OTUD4: variants seen among roughly 807,000 people sequenced by gnomAD.
The protein encoded by OTUD4 is OTU deubiquitinase 4.
In OTUD4, 24 loss-of-function variants were observed where a neutral mutation model predicts 130.4. That is an observed-to-expected ratio of 0.18 (90% CI 0.13 to 0.26). The LOEUF is 0.26. Ranked by LOEUF, OTUD4 falls within the 10% of genes least tolerant of loss-of-function variation. The pLI, the probability that OTUD4 is intolerant of heterozygous loss-of-function variation, is 1.00. For synonymous variants in OTUD4, 420 were observed against 472.5 expected (o/e 0.89, Z 1.44); for missense variants, 1,031 against 1,329.4 (o/e 0.78, Z 3.49).
At chr4:145,161,244 A>C (rs867854100) in intron 6 of OTUD4, among the ~76,000 whole-genome samples, 2 of 152,132 alleles carry the variant, frequency 1.3e-5, no homozygotes, top group African/African-American at 4.8e-5. Flanking sequence ...CCCTCGTATC[A>C]CCCAAACCAC....
chr4:145,163,167 A>C (rs1282162068), intron 5 of OTUD4, among the ~76,000 whole-genome samples: 1 of 152,236 alleles, frequency 6.6e-6, no homozygotes, highest in East Asian at 1.9e-4. Flanking sequence ...TTTAGAATAT[A>C]ACAATATATT....
rs766528585 is a variant in OTUD4 at position 145,174,619 on chromosome 4, A to G, written c.243+42T>C. ...ACACTTCTAAAAGCCAAAATGTAAA[A>G]CCAAGTCAAGACACCATTACATGTT... On this transcript the variant is annotated intron_variant, in intron 2 of 20. Coordinates refer to ENST00000447906, the MANE Select transcript of OTUD4 (RefSeq NM_001366057.1). The G allele has an allele frequency of 5.2e-6, 6 of 1,150,832 alleles. No homozygotes were observed. The Middle Eastern group carries it at 7.7e-4, about 147-fold the overall frequency. The allele number at this position is 1,150,832 out of a possible 1,614,324, so 71.3% of individuals were successfully genotyped here.
intron 13 of OTUD4, among the ~76,000 whole-genome samples, chr4:145,148,782 C>A (rs1013815267): frequency 6.6e-6 from 1 of 152,066 alleles, no homozygotes; most frequent in African/African-American, 2.4e-5. Flanking sequence ...TGCCTATAAC[C>A]TTCCTATAGT....
Position 145,171,670 on chromosome 4 carries a change from C to A in OTUD4, c.294G>T (p.Gln98His). The change falls in exon 3 of 21, where the codon CAG (glutamine) becomes CAT (histidine). Residue 98 changes from glutamine (Q) to histidine (H), a missense_variant and splice_region_variant. Transcript: ENST00000447906. ...EEYLKRLENPQEWVGQVEISA... is the reference protein window; with the variant it reads ...EEYLKRLENPHEWVGQVEISA... The stretch of plus-strand genomic sequence containing the variant: ...AATATACTAGAAGACTGTGACATAC[C>A]TGTGGATTTTCCAAACGCTTTAAAT... 7.8e-7 allele frequency: 1 copy of A among 1,280,072 alleles called. No homozygotes were observed. Among genetic ancestry groups the A allele is most frequent in the Non-Finnish European group, 1.1e-6 (1 of 879,168 alleles). 79.3% of individuals were successfully genotyped at this position (1,280,072 alleles called of 1,614,324 possible).
intron 13 of OTUD4, among the ~76,000 whole-genome samples, chr4:145,146,816 G>A (rs1444843068): frequency 6.6e-6 from 1 of 152,182 alleles, no homozygotes; most frequent in Non-Finnish European, 1.5e-5. Flanking sequence ...CAAAGGGAAA[G>A]TTATTAGTTT....
chr4:145,168,161 A>T (rs1477532083), intron 3 of OTUD4, among the ~76,000 whole-genome samples: 1 of 152,174 alleles, frequency 6.6e-6, no homozygotes, highest in Non-Finnish European at 1.5e-5. Flanking sequence ...AATTAACCAT[A>T]CTATAACAAA....
At chr4:145,140,465 TAAAAC>T (rs1244599212) in intron 19 of OTUD4, among the ~76,000 whole-genome samples, 2 of 152,082 alleles carry the variant, frequency 1.3e-5, no homozygotes, top group African/African-American at 2.4e-5. Context: ...TACTAACTAA[TAAAAC>T]AAAAACATCC....
At chr4:145,150,406 AATG>A in intron 13 of OTUD4, 104 bp downstream of exon 13, 1 of 706,230 alleles carries the variant, frequency 1.4e-6, no homozygotes, top group Non-Finnish European at 2.4e-6. Flanking sequence ...ATATAGGGAC[AATG>A]ATATGAGTAA....
In OTUD4 at chr4:145,138,471, A is replaced by C. The variant is rs112977068; in HGVS notation, c.2304T>G (p.Phe768Leu). The C allele has an allele frequency of 6.2e-7, 1 of 1,614,044 alleles. No homozygotes were observed. The highest frequency in any genetic ancestry group is 1.3e-5 in the African/African-American group (1 of 74,934). The change falls in exon 21 of 21, where the codon TTT (phenylalanine) becomes TTG (leucine). Residue 768 changes from phenylalanine (F) to leucine (L), a missense_variant. By Grantham distance (22) the Phe-to-Leu change is conservative. Transcript: ENST00000447906. ...TAACACTGGCCTCAGTCTGCATAGG[A>C]AAGTGGGCATCAGTACAGGTACAAT... is the stretch of plus-strand genomic sequence containing the variant. ...ESDCTCTDAH[F>L]PMQTEASVNG...
rs368642611 is a variant in OTUD4, at chr4:145,144,338, T to G, written c.1519A>C (p.Met507Leu). ...VGDRKGSRRR[M>L]DTEERKDKDS... ...TTGTCTTTTCGTTCTTCTGTATCCA[T>G]TCTCCGCCTGCTTCCTTTTCTATCA... Residue 507 changes from methionine to leucine, a missense_variant, in exon 15 of 21, where the codon ATG becomes CTG. Physicochemically the swap from Met to Leu is conservative, Grantham distance 15 (BLOSUM62 2). Around this residue, in one of 3 missense-constraint regions of OTUD4, gnomAD observed 900 missense variants for 1,095.9 expected, o/e 0.82. Transcript: ENST00000447906. 19 of 1,612,656 alleles carry G rather than the reference T, an allele frequency of 1.2e-5. No homozygotes were observed. Among genetic ancestry groups the G allele is most frequent in the Non-Finnish European group, 1.6e-5 (19 of 1,179,368 alleles).
chr4:145,153,243 AT>A (rs1751147195), intron 10 of OTUD4, among the ~76,000 whole-genome samples: 1 of 152,196 alleles, frequency 6.6e-6, no homozygotes, highest in Non-Finnish European at 1.5e-5. Flanking sequence ...GGAGCACAAT[AT>A]GTTAAGGCTC....
At chr4:145,164,301 T>C (rs917810065) in intron 4 of OTUD4, 75 bp from the exon 5 acceptor site, 2 of 712,668 alleles carry the variant, frequency 2.8e-6, no homozygotes, top group African/African-American at 3.6e-5. Flanking sequence ...CATTCATTCA[T>C]CAAGGGCCTA....
chr4:145,137,962 T>C lies in OTUD4; in HGVS notation c.2813A>G (p.Glu938Gly), dbSNP rs772454283. 3 of 1,614,068 alleles carry C rather than the reference T, an allele frequency of 1.9e-6. No homozygotes were observed. The highest frequency in any genetic ancestry group is 4.5e-5 in the East Asian group (2 of 44,856). ...VSSKPDEGRTEQSSQTRKADT... is the reference protein window; with the variant it reads ...VSSKPDEGRTGQSSQTRKADT... ...TGCCTTTCGTGTCTGGGAAGATTGC[T>C]CTGTCCGGCCTTCGTCCGGCTTACT... The change falls in exon 21 of 21, where the codon GAG (glutamate) becomes GGG (glycine). Residue 938 changes from glutamate (E) to glycine (G), a missense_variant. By Grantham distance (98) the Glu-to-Gly change is moderately conservative. Coordinates refer to ENST00000447906, the MANE Select transcript of OTUD4 (RefSeq NM_001366057.1).
intron 10 of OTUD4, 57 bp from the exon 11 acceptor site, chr4:145,152,692 G>T: frequency 2.1e-6 from 2 of 933,732 alleles, no homozygotes; most frequent in Non-Finnish European, 3.4e-6. Flanking sequence ...TGCTTCCTTT[G>T]CATTACTTAT....
At chr4:145,150,358 C>A (rs1307637606) in intron 13 of OTUD4, among the ~76,000 whole-genome samples, 155 bp downstream of exon 13, 1 of 152,158 alleles carries the variant, frequency 6.6e-6, no homozygotes, top group African/African-American at 2.4e-5. Context: ...GAATTGAGAT[C>A]CTCACATGAA....
Position 145,137,743 on chromosome 4 carries a change from G to C in OTUD4, c.3032C>G (p.Ser1011Cys). The C allele has an allele frequency of 6.2e-7, 1 of 1,614,044 alleles. No individual in the cohort carries two copies. The highest frequency in any genetic ancestry group is 8.5e-7 in the Non-Finnish European group (1 of 1,179,996). Residue 1011 changes from serine (S) to cysteine (C), a missense_variant, in exon 21 of 21, where the codon TCT (serine) becomes TGT (cysteine). By Grantham distance (112) the Ser-to-Cys change is moderately radical. This residue lies in a region of OTUD4 where 900 missense variants were observed against 1,095.9 expected (regional missense o/e 0.82). Transcript: ENST00000447906. ...TGGTCTTTGCACTCTGCTATCAACA[G>C]AGTTGGCCCCAGGGCTGACCACATC... ...AADVVSPGAN[S>C]VDSRVQRPKE...
At chr4:145,153,869 CA>C (rs1408718217) in intron 10 of OTUD4, among the ~76,000 whole-genome samples, 1 of 152,184 alleles carries the variant, frequency 6.6e-6, no homozygotes, top group African/African-American at 2.4e-5. Context: ...ACTTAGTTAT[CA>C]AAAGTTTAAA....
At chr4:145,169,759 AT>A (rs1752061734) in intron 3 of OTUD4, among the ~76,000 whole-genome samples, 1 of 152,240 alleles carries the variant, frequency 6.6e-6, no homozygotes, top group South Asian at 2.1e-4. Context: ...GGCACGAGCC[AT>A]TGTGCCCAGC....
In OTUD4 at chr4:145,146,018, A is replaced by C. The variant is rs1270000144; in HGVS notation, c.1422+249T>G. ...CATTTTAGTTCAAAAGAAAACACGA[A>C]ACACTACAAGTGAACAAACCAGTTT... On this transcript the variant is annotated intron_variant, in intron 14 of 20. Transcript: ENST00000447906. 3 of 279,218 alleles carry C rather than the reference A, an allele frequency of 1.1e-5. No homozygotes were observed. The East Asian group carries it at 1.9e-4, about 17-fold the overall frequency. 17.3% of individuals were successfully genotyped at this position (279,218 alleles called of 1,614,324 possible). A position where few individuals can be genotyped will look rare whatever the true frequency, so the allele number is the denominator to read the frequency against.
Sources: gnomAD v4.1 joint callset for allele counts (sites outside exome capture counted in the v4.1 genomes callset) on GRCh38, gnomAD v4.1.1 for gene constraint, gnomAD v4.1.1 regional missense constraint, MANE v1.5 for transcripts, NCBI Gene and HGNC (gene_info 2026-07-23, HGNC 2026-07-21) for gene names.